Variants in FIG4 observed in about 807,000 individuals in gnomAD.
The protein encoded by FIG4 is FIG4 phosphoinositide 5-phosphatase.
Under a neutral mutation model 118.6 loss-of-function variants are expected in FIG4, and 112 were observed. The ratio of observed to expected loss-of-function variants is 0.94; its 90% CI spans 0.81 to 1.11. FIG4 has a LOEUF of 1.11. Among genes scored for constraint, FIG4 ranks in the 50% least tolerant of loss-of-function variants. The pLI, the probability that FIG4 is intolerant of heterozygous loss-of-function variation, is 0.00. For missense variants in FIG4, 969 were observed against 1,111.7 expected (o/e 0.87, Z 1.83); for synonymous variants, 369 against 381.2 (o/e 0.97, Z 0.37).
intron 22 of FIG4, among the ~76,000 whole-genome samples, chr6:109,818,228 T>C (rs557694932): frequency 2.6e-5 from 4 of 152,228 alleles, no homozygotes; most frequent in Admixed American, 2.0e-4. Flanking sequence ...AAGACAGAGT[T>C]TCGCTCTTGT....
At chr6:109,789,542 T>G (rs1778078767) in intron 18 of FIG4, 52 bp from the exon 19 acceptor site, 2 of 1,281,512 alleles carry the variant, frequency 1.6e-6, no homozygotes. Context: ...GAAGCCAATA[T>G]CATCTGGATG....
chr6:109,743,516 G>T (rs1776388572), intron 9 of FIG4, 159 bp from the exon 10 acceptor site: 4 of 690,316 alleles, frequency 5.8e-6, no homozygotes, highest in Admixed American at 4.5e-5. Flanking sequence ...ATAAATACAT[G>T]ATGAATAAGT....
Position 109,741,554 on chromosome 6 carries a change from CA to C in FIG4, c.876+13del, listed in dbSNP as rs1776325116. 1 of 1,503,836 alleles carries C rather than the reference CA, an allele frequency of 6.6e-7. No individual in the cohort carries two copies. The highest frequency in any genetic ancestry group is 1.4e-5 in the African/African-American group (1 of 72,734). The allele number at this position is 1,503,836 out of a possible 1,614,324, so 93.2% of individuals were successfully genotyped here. A position where few individuals can be genotyped will look rare whatever the true frequency, so the allele number is the denominator to read the frequency against. ...AGGTGCAAACTGTGAGGTAAGATGA[CA>C]AACAGTATCTTCACTGACCTTTTAA... On this transcript the variant is annotated intron_variant, in intron 8 of 22. Transcript: ENST00000230124.
intron 1 of FIG4, among the ~76,000 whole-genome samples, chr6:109,705,825 C>T (rs779845896): frequency 6.6e-5 from 10 of 152,158 alleles, no homozygotes; most frequent in Non-Finnish European, 1.5e-4. Context: ...CATATACCCC[C>T]AAACCTAAAA....
chr6:109,796,809 GC>G lies in FIG4; in HGVS notation c.2506del (p.Gln836SerfsTer12). Reference protein sequence around the residue: ...GQSQHKQDKNSQQPCSRCSDG... With the variant: ...GQSQHKQDKNXQQPCSRCSDG... ...AGTCAACATAAACAAGACAAGAATA[GC>G]CAGCAGCCCTGTTCTAGGTGCTCAG... On this transcript the variant is annotated frameshift_variant, in exon 22 of 23. Coordinates refer to ENST00000230124, the MANE Select transcript of FIG4 (RefSeq NM_014845.6). LOFTEE classifies it high-confidence loss of function. 6.2e-7 allele frequency: 1 copy of G among 1,612,266 alleles called. No homozygotes were observed. Among genetic ancestry groups the G allele is most frequent in the Middle Eastern group, 1.7e-4 (1 of 6,056 alleles).
intron 6 of FIG4, 27 bp downstream of exon 6, chr6:109,735,325 A>G: frequency 6.3e-7 from 1 of 1,585,314 alleles, no homozygotes; most frequent in South Asian, 1.1e-5. Context: ...TATCTAATGT[A>G]TATTAATGTG....
intron 18 of FIG4, among the ~76,000 whole-genome samples, 155 bp downstream of exon 18, chr6:109,786,604 A>G (rs1199616481): frequency 1.3e-5 from 2 of 152,244 alleles, no homozygotes; most frequent in African/African-American, 4.8e-5. Context: ...GGAGCCCACT[A>G]CTTCAAGAGG....
chr6:109,716,903 G>C lies in FIG4; in HGVS notation c.289+335G>C, dbSNP rs535296052. Among the ~76,000 whole-genome samples the C allele has an allele frequency of 4.6e-5, 7 of 152,180 alleles. No individual in the cohort carries two copies. The South Asian group carries it at 1.5e-3, about 32-fold the overall frequency. On this transcript the variant is annotated intron_variant, in intron 3 of 22. Transcript: ENST00000230124. ...TAAACATCCACCCTGCCATTCGTCA[G>C]CTGGAGTAACAAATCACGTAAAACT...
chr6:109,816,191 G>A (rs1583774068), intron 22 of FIG4, among the ~76,000 whole-genome samples: 4 of 152,118 alleles, frequency 2.6e-5, no homozygotes, highest in Admixed American at 2.0e-4. Flanking sequence ...AGTAGCCGAT[G>A]GAACATCCAC....
intron 21 of FIG4, among the ~76,000 whole-genome samples, chr6:109,795,094 AGTTTTTTTTTTTT>A (rs1410695072): frequency 0.015 from 1,153 of 77,146 alleles, 80 homozygotes; most frequent in East Asian, 0.05. Context: ...TACACTTGCC[AGTTTTTTTTTTTT>A]TTTTTTTTTT....
intron 10 of FIG4, among the ~76,000 whole-genome samples, chr6:109,746,626 A>G (rs1207984299): frequency 6.6e-6 from 1 of 152,166 alleles, no homozygotes; most frequent in Non-Finnish European, 1.5e-5. Flanking sequence ...TGGCCAGACC[A>G]TGCAGAGTAT....
intron 1 of FIG4, 69 bp from the exon 2 acceptor site, chr6:109,715,009 T>C: frequency 1.2e-6 from 1 of 810,196 alleles, no homozygotes; most frequent in Admixed American, 2.1e-5. Context: ...TTTCAAAAAC[T>C]AAAGTGGTAT....
chr6:109,723,694 T>C (rs1042013144), intron 3 of FIG4, among the ~76,000 whole-genome samples: 16 of 152,208 alleles, frequency 1.1e-4, no homozygotes, highest in Admixed American at 3.3e-4. Flanking sequence ...CTGACCCAAG[T>C]TGGGTCAGTC....
intron 16 of FIG4, among the ~76,000 whole-genome samples, chr6:109,781,398 C>A (rs9487215): frequency 0.49 from 74,071 of 151,858 alleles, 21,351 homozygotes; most frequent in Non-Finnish European, 0.67. Flanking sequence ...ACAACACTCT[C>A]CTCTGTGTAT....
chr6:109,805,722 AT>A (rs1290835986), intron 22 of FIG4, among the ~76,000 whole-genome samples: 1 of 152,184 alleles, frequency 6.6e-6, no homozygotes, highest in Non-Finnish European at 1.5e-5. Context: ...CATGTTAAAA[AT>A]GTATTAATGT....
intron 22 of FIG4, among the ~76,000 whole-genome samples, chr6:109,817,989 A>G (rs535675482): frequency 6.6e-6 from 1 of 152,360 alleles, no homozygotes; most frequent in South Asian, 2.1e-4. Context: ...CCAAACTTCC[A>G]CAAATGACTC....
At chr6:109,727,989 G>C (rs1194222168) in intron 4 of FIG4, among the ~76,000 whole-genome samples, 2 of 152,156 alleles carry the variant, frequency 1.3e-5, no homozygotes, top group Non-Finnish European at 2.9e-5. Context: ...GCATGTACTT[G>C]TACACACATC....
chr6:109,816,588 G>A (rs936508919), intron 22 of FIG4, among the ~76,000 whole-genome samples: 4 of 152,188 alleles, frequency 2.6e-5, no homozygotes, highest in African/African-American at 9.7e-5. Context: ...ACAGGAAATT[G>A]TATCCTGCAC....
At chr6:109,797,956 C>T (rs1160180913) in intron 22 of FIG4, among the ~76,000 whole-genome samples, 1 of 150,528 alleles carries the variant, frequency 6.6e-6, no homozygotes, top group Admixed American at 6.6e-5. Flanking sequence ...ATATGTGAGG[C>T]ATCTAGATCA....
Sources: gnomAD v4.1 joint callset for allele counts (sites outside exome capture counted in the v4.1 genomes callset) on GRCh38, gnomAD v4.1.1 for gene constraint, MANE v1.5 for transcripts, NCBI Gene and HGNC (gene_info 2026-07-23, HGNC 2026-07-21) for gene names.